Variants in CHM observed in about 807,000 individuals in gnomAD.
CHM encodes the protein rab proteins geranylgeranyltransferase component A 1.
In CHM, 10 loss-of-function variants were observed where a neutral mutation model predicts 49.0. That is an observed-to-expected ratio of 0.20 (90% confidence interval 0.13 to 0.35). CHM has a LOEUF of 0.35. CHM is among the 10% of genes least tolerant of loss of function. CHM has a pLI of 1.00. For missense variants in CHM, 455 were observed against 478.4 expected (o/e 0.95, Z 0.46); for synonymous variants, 184 against 167.5 (o/e 1.10, Z -0.76).
chrX:85,892,478 C>G (rs891358651), intron 12 of CHM, among the ~76,000 whole-genome samples: 1 of 110,770 alleles, frequency 9.0e-6, no homozygotes, highest in African/African-American at 3.3e-5. Context: ...CAGGGGTTTC[C>G]GCTTTTGCTT....
At chrX:85,918,461 T>C (rs992692383) in intron 8 of CHM, among the ~76,000 whole-genome samples, 2 of 111,869 alleles carry the variant, frequency 1.8e-5, no homozygotes, top group African/African-American at 3.3e-5. Context: ...CTGAAGTACA[T>C]AGACCACTGC....
intron 2 of CHM, among the ~76,000 whole-genome samples, chrX:85,986,971 A>T (rs1931948368): frequency 1.8e-5 from 2 of 111,757 alleles, no homozygotes; most frequent in African/African-American, 6.5e-5. Context: ...AAAAAAAAAA[A>T]ACTAACAAAT....
chrX:85,952,510 A>G (rs1294481824), intron 8 of CHM, among the ~76,000 whole-genome samples: 1 of 111,711 alleles, frequency 9.0e-6, no homozygotes, highest in African/African-American at 3.3e-5. Context: ...CAATCCTGGC[A>G]GGGCTCATCA....
At chrX:85,950,009 A>ATATATATATATATC (rs1569422903) in intron 8 of CHM, among the ~76,000 whole-genome samples, 3 of 81,299 alleles carry the variant, frequency 3.7e-5, no homozygotes, top group Admixed American at 1.4e-4. Context: ...ATATATATAT[A>ATATATATATATATC]TCTTGTAATG....
At chrX:85,949,153 A>C (rs1235603115) in intron 8 of CHM, among the ~76,000 whole-genome samples, 3 of 112,076 alleles carry the variant, frequency 2.7e-5, no homozygotes, top group African/African-American at 9.7e-5. Flanking sequence ...TCTCAGCCTT[A>C]AGGTTACAAC....
At chrX:85,966,578 T>C (rs1417468833) in intron 4 of CHM, among the ~76,000 whole-genome samples, 1 of 111,611 alleles carries the variant, frequency 9.0e-6, no homozygotes, top group East Asian at 2.8e-4. Flanking sequence ...TTATTCACTT[T>C]TATTATCTTG....
intron 4 of CHM, among the ~76,000 whole-genome samples, chrX:85,977,092 G>A (rs1458694041): frequency 8.9e-6 from 1 of 111,769 alleles, no homozygotes; most frequent in East Asian, 2.8e-4. Flanking sequence ...TGCCAGTCTT[G>A]CTGGGGCTAA....
chrX:85,960,847 T>C (rs1311120237), intron 5 of CHM, among the ~76,000 whole-genome samples: 1 of 111,729 alleles, frequency 9.0e-6, no homozygotes, highest in Non-Finnish European at 1.9e-5. Flanking sequence ...CCTTAGCATG[T>C]TGGTTCCATA....
At chrX:85,931,228 A>C (rs140527424) in intron 8 of CHM, among the ~76,000 whole-genome samples, 256 of 111,570 alleles carry the variant, frequency 2.3e-3, no homozygotes, top group African/African-American at 8.0e-3. Flanking sequence ...CATAAGACAA[A>C]AATACTTTAT....
intron 3 of CHM, among the ~76,000 whole-genome samples, chrX:85,979,096 C>CTA (rs1339435514): frequency 8.9e-6 from 1 of 111,960 alleles, no homozygotes; most frequent in African/African-American, 3.2e-5. Flanking sequence ...AAAATCTGTA[C>CTA]TATCAAAAAC....
intron 9 of CHM, among the ~76,000 whole-genome samples, chrX:85,907,031 G>A (rs1032557322): frequency 4.5e-4 from 50 of 111,639 alleles, no homozygotes; most frequent in African/African-American, 1.6e-3. Context: ...TAGGGGGGCT[G>A]AGGCAGGAGA....
At chrX:86,025,975 C>CT (rs750970584) in intron 2 of CHM, among the ~76,000 whole-genome samples, 127 of 110,273 alleles carry the variant, frequency 1.2e-3, no homozygotes, top group African/African-American at 4.0e-3. Context: ...ATCATTCTAC[C>CT]TTTGAGAAAT....
chrX:85,881,391 G>A (rs1221676335), intron 12 of CHM, among the ~76,000 whole-genome samples: 4 of 112,343 alleles, frequency 3.6e-5, no homozygotes, highest in Non-Finnish European at 5.6e-5. Context: ...AATATCTAGA[G>A]TTGACTGTAC....
At position 85,873,177 on chromosome X, in the gene CHM, C is replaced by A; in HGVS notation, c.1645G>T (p.Ala549Ser). 4 of 1,200,367 alleles carry A rather than the reference C, an allele frequency of 3.3e-6. No individual in the cohort carries two copies. The highest frequency in any genetic ancestry group is 4.5e-6 in the Non-Finnish European group (4 of 887,594). ...GAATCTCTCATATTGAAGTAAAGAG[C>A]CCACAGAATTCTTGGCTTTTCTACT... ...EQVEKPRILW[A>S]LYFNMRDSSD... The change falls in exon 14 of 15, where the codon GCT becomes TCT. Residue 549 changes from alanine (A) to serine (S), a missense_variant. Physicochemically the swap from Ala to Ser is moderately conservative, Grantham distance 99. Coordinates refer to ENST00000357749, the MANE Select transcript of CHM (RefSeq NM_000390.4).
intron 8 of CHM, among the ~76,000 whole-genome samples, chrX:85,926,346 T>C (rs1318942548): frequency 1.8e-5 from 2 of 111,534 alleles, no homozygotes; most frequent in African/African-American, 6.5e-5. Context: ...GTTTGGAAAT[T>C]CAAATGTTCA....
intron 8 of CHM, among the ~76,000 whole-genome samples, chrX:85,923,180 C>T (rs1438885921): frequency 8.9e-6 from 1 of 112,256 alleles, no homozygotes; most frequent in East Asian, 2.8e-4. Flanking sequence ...TGTGACAGTG[C>T]TTCAGTTCTC....
At chrX:86,017,786 G>T (rs756968839) in intron 2 of CHM, among the ~76,000 whole-genome samples, 1 of 111,577 alleles carries the variant, frequency 9.0e-6, no homozygotes, top group Non-Finnish European at 1.9e-5. Context: ...CTAGGCAAAT[G>T]GAGTAATTAC....
chrX:85,980,849 T>C (rs1181479310), intron 3 of CHM, among the ~76,000 whole-genome samples: 2 of 110,996 alleles, frequency 1.8e-5, no homozygotes, highest in Admixed American at 9.6e-5. Flanking sequence ...CAGCTTAGTA[T>C]TGAGATCCTA....
chrX:85,876,808 T>C (rs1475566788), intron 13 of CHM, among the ~76,000 whole-genome samples: 6 of 111,301 alleles, frequency 5.4e-5, no homozygotes, highest in Non-Finnish European at 7.5e-5. Flanking sequence ...CTTTAACTAT[T>C]AAGATTAATG....
Sources: allele counts gnomAD v4.1 joint callset (sites outside exome capture counted in the v4.1 genomes callset), GRCh38; gene constraint gnomAD v4.1.1; transcripts MANE v1.5; gene names NCBI Gene and HGNC (gene_info 2026-07-23, HGNC 2026-07-21).